DMXL2: variants seen among roughly 807,000 people sequenced by gnomAD.
The protein encoded by DMXL2 is dmX-like protein 2.
A neutral mutation model predicts 331.1 loss-of-function variants in DMXL2; 103 were observed. The observed-to-expected ratio is 0.31, with a 90% CI of 0.27 to 0.37. DMXL2 has a LOEUF of 0.37. Ranked by LOEUF, DMXL2 falls within the 10% of genes least tolerant of loss-of-function variation. DMXL2 has a pLI of 1.00. For synonymous variants in DMXL2, 1,281 were observed against 1,252.1 expected (o/e 1.02, Z -0.49); for missense variants, 3,171 against 3,642.9 (o/e 0.87, Z 3.33).
chr15:51,532,973 A>G (rs1411549645), intron 13 of DMXL2, among the ~76,000 whole-genome samples: 1 of 152,242 alleles, frequency 6.6e-6, no homozygotes. Context: ...GTTACAGGAT[A>G]TAAGATAAAC....
intron 14 of DMXL2, 65 bp from the exon 15 acceptor site, chr15:51,514,624 T>G (rs911075810): frequency 7.6e-5 from 70 of 925,464 alleles, no homozygotes; most frequent in Non-Finnish European, 9.7e-5. Context: ...ATCTCCCATC[T>G]GTCACCTCCC....
At chr15:51,562,404 C>T (rs1292854755) in intron 6 of DMXL2, among the ~76,000 whole-genome samples, 7 of 151,994 alleles carry the variant, frequency 4.6e-5, no homozygotes. Flanking sequence ...GGGGATATCT[C>T]CATCAAAACA....
chr15:51,574,588 C>T (rs1015114022), intron 2 of DMXL2, among the ~76,000 whole-genome samples: 13 of 152,124 alleles, frequency 8.5e-5, no homozygotes, highest in Non-Finnish European at 1.6e-4. Flanking sequence ...GTGAATAATT[C>T]CATTCAACAT....
intron 6 of DMXL2, among the ~76,000 whole-genome samples, chr15:51,559,840 C>T (rs1179324888): frequency 1.3e-5 from 2 of 152,158 alleles, no homozygotes; most frequent in Non-Finnish European, 2.9e-5. Context: ...CTATTGTATA[C>T]TATGAGAGTG....
Position 51,598,434 on chromosome 15 carries a change from A to G in DMXL2, c.88-22253T>C, listed in dbSNP as rs74563924. ...ACAGTACAATTATCAAGATCGGGCA[A>G]TGGATACTGATAAAATACTATTATC... On this transcript the variant is annotated intron_variant, in intron 1 of 43. Transcript: ENST00000560891. 3.6e-3 allele frequency among the ~76,000 whole-genome samples: 543 copies of G among 152,302 alleles called. 8 individuals are homozygous for G. The highest frequency in any genetic ancestry group is 0.013 in the African/African-American group (523 of 41,568).
chr15:51,615,287 A>T (rs2054223457), intron 1 of DMXL2, among the ~76,000 whole-genome samples: 1 of 152,226 alleles, frequency 6.6e-6, no homozygotes, highest in South Asian at 2.1e-4. Context: ...TAAGAAGGCT[A>T]AATGAAGACA....
chr15:51,617,436 C>T (rs1166804295), intron 1 of DMXL2, among the ~76,000 whole-genome samples: 2 of 152,144 alleles, frequency 1.3e-5, no homozygotes, highest in African/African-American at 4.8e-5. Flanking sequence ...ATTCCTAGAC[C>T]CACTACTTCA....
chr15:51,570,487 A>T (rs1320558986), intron 2 of DMXL2, among the ~76,000 whole-genome samples: 1 of 152,160 alleles, frequency 6.6e-6, no homozygotes, highest in Non-Finnish European at 1.5e-5. Flanking sequence ...AAGACACATA[A>T]TCATCAGATT....
In DMXL2 at chr15:51,511,379, G is replaced by T. The variant is rs906385316; in HGVS notation, c.2644+3063C>A. On this transcript the variant is annotated intron_variant, in intron 15 of 43. Coordinates refer to ENST00000560891, the MANE Select transcript of DMXL2 (RefSeq NM_001378457.1). Reference sequence around the variant, plus strand: ...ATAACCCCATCAAAAAGTGGGCAAAGGATATGAACAGACACTTCTCAAAAG... The same window carrying T: ...ATAACCCCATCAAAAAGTGGGCAAATGATATGAACAGACACTTCTCAAAAG... Among the ~76,000 whole-genome samples, 4 of 152,336 alleles carry T rather than the reference G, an allele frequency of 2.6e-5. No individual in the cohort carries two copies. In the East Asian group the frequency reaches 7.7e-4, roughly 29 times the overall value.
chr15:51,503,138 G>C, intron 16 of DMXL2, 105 bp from the exon 17 acceptor site: 1 of 822,500 alleles, frequency 1.2e-6, no homozygotes, highest in Non-Finnish European at 1.9e-6. Context: ...CTTCTTAAAA[G>C]TATTTTGGAG....
chr15:51,489,332 G>GA (rs897439269), intron 20 of DMXL2, among the ~76,000 whole-genome samples: 1 of 152,110 alleles, frequency 6.6e-6, no homozygotes, highest in African/African-American at 2.4e-5. Context: ...GGGAGAAAGG[G>GA]AAAAGACATC....
intron 23 of DMXL2, among the ~76,000 whole-genome samples, chr15:51,484,362 GAAAAAC>G (rs2042238337): frequency 6.6e-6 from 1 of 152,190 alleles, no homozygotes; most frequent in Non-Finnish European, 1.5e-5. Flanking sequence ...ACCCCAACCT[GAAAAAC>G]TGCCCAGCGA....
chr15:51,524,720 T>A (rs1431016134), intron 13 of DMXL2, among the ~76,000 whole-genome samples: 1 of 152,114 alleles, frequency 6.6e-6, no homozygotes, highest in Non-Finnish European at 1.5e-5. Context: ...CAGAGGGGAA[T>A]CGCTGATCCT....
intron 6 of DMXL2, among the ~76,000 whole-genome samples, chr15:51,561,135 T>A (rs963444947): frequency 6.6e-6 from 1 of 152,016 alleles, no homozygotes; most frequent in Non-Finnish European, 1.5e-5. Flanking sequence ...AGGGGGAAGA[T>A]AGTAAAATAG....
At chr15:51,564,792 T>C (rs1327044570) in intron 4 of DMXL2, among the ~76,000 whole-genome samples, 2 of 152,140 alleles carry the variant, frequency 1.3e-5, no homozygotes, top group African/African-American at 2.4e-5. Flanking sequence ...CTCTGTTTTA[T>C]TTCCAATGGT....
chr15:51,483,513 T>C (rs1218298814), intron 23 of DMXL2, among the ~76,000 whole-genome samples: 1 of 152,186 alleles, frequency 6.6e-6, no homozygotes, highest in Non-Finnish European at 1.5e-5. Context: ...AGGGTGAACC[T>C]GCCCTTGAGC....
intron 18 of DMXL2, among the ~76,000 whole-genome samples, chr15:51,497,353 G>A (rs923591925): frequency 5.3e-5 from 8 of 152,126 alleles, no homozygotes; most frequent in Non-Finnish European, 1.0e-4. Flanking sequence ...AAGGGTACAG[G>A]CTTTGAGTCA....
chr15:51,508,340 A>G (rs2046539993), intron 15 of DMXL2, among the ~76,000 whole-genome samples: 1 of 152,194 alleles, frequency 6.6e-6, no homozygotes. Flanking sequence ...AATTTTTAAA[A>G]AAGAAACAGT....
intron 13 of DMXL2, among the ~76,000 whole-genome samples, chr15:51,529,899 T>C (rs767000293): frequency 6.6e-6 from 1 of 151,916 alleles, no homozygotes; most frequent in Non-Finnish European, 1.5e-5. Context: ...ATTAAAATGA[T>C]TAAAAGATCA....
Sources: allele counts gnomAD v4.1 joint callset (sites outside exome capture counted in the v4.1 genomes callset), GRCh38; gene constraint gnomAD v4.1.1; transcripts MANE v1.5; gene names NCBI Gene and HGNC (gene_info 2026-07-23, HGNC 2026-07-21).